UGGT2: variants seen among roughly 807,000 people sequenced by gnomAD.
UGGT2 encodes the protein UDP-glucose:glycoprotein glucosyltransferase 2.
Under a neutral mutation model 192.1 loss-of-function variants are expected in UGGT2, and 180 were observed. That is an observed-to-expected ratio of 0.94 (90% CI 0.83 to 1.06). The LOEUF (loss-of-function observed/expected upper bound fraction) is 1.06, where lower values mean the gene tolerates loss of function less well. Among genes scored for constraint, UGGT2 ranks in the 50% least tolerant of loss-of-function variants. The pLI is 0.00. For synonymous variants in UGGT2, 580 were observed against 591.0 expected (o/e 0.98, Z 0.27); for missense variants, 1,849 against 1,795.7 (o/e 1.03, Z -0.54).
In UGGT2 at chr13:95,956,522, G is replaced by A. The variant is rs140852283; in HGVS notation, c.1336-7068C>T. On this transcript the variant is annotated intron_variant, in intron 12 of 38. Transcript: ENST00000376747. ...AAGGACTTGAATAGATATTCCTCTA[G>A]AGAAGATATACAAATGGCCAACAGG... Among the ~76,000 whole-genome samples, 146 of 152,278 alleles carry A rather than the reference G, an allele frequency of 9.6e-4. 4 individuals are homozygous for A. The East Asian group carries it at 0.022, about 23-fold the overall frequency.
chr13:96,052,656 A>G (rs896634773), intron 1 of UGGT2, among the ~76,000 whole-genome samples: 1 of 152,230 alleles, frequency 6.6e-6, no homozygotes, highest in Non-Finnish European at 1.5e-5. Context: ...GCAAAATGCA[A>G]TAGCTACAAG....
At chr13:96,033,046 T>C (rs1046456822) in intron 1 of UGGT2, among the ~76,000 whole-genome samples, 1 of 152,172 alleles carries the variant, frequency 6.6e-6, no homozygotes, top group Non-Finnish European at 1.5e-5. Flanking sequence ...AGTCTGATCC[T>C]TCAAAGTGAT....
intron 38 of UGGT2, among the ~76,000 whole-genome samples, chr13:95,830,039 T>C (rs113069458): frequency 3.2e-4 from 49 of 152,118 alleles, no homozygotes; most frequent in Admixed American, 1.3e-3. Context: ...AAAGGATTCC[T>C]TATTTAATAA....
rs1352640104 is a variant in UGGT2, at chr13:96,023,879, A to C, written c.242-120T>G. The C allele has an allele frequency of 9.1e-6, 7 of 767,434 alleles. No homozygotes were observed. In the East Asian group the frequency reaches 2.3e-4, roughly 26 times the overall value. 47.5% of individuals were successfully genotyped at this position (767,434 alleles called of 1,614,324 possible). A position where few individuals can be genotyped will look rare whatever the true frequency, so the allele number is the denominator to read the frequency against. ...TCATATCTGAAGTTTGGTTATGGATAATGCTAGAGAAAAATGGAAAAATCA... is the reference window on the plus strand; with the variant it reads ...TCATATCTGAAGTTTGGTTATGGATCATGCTAGAGAAAAATGGAAAAATCA... On this transcript the variant is annotated intron_variant, in intron 2 of 38. Coordinates refer to ENST00000376747, the MANE Select transcript of UGGT2 (RefSeq NM_020121.4).
At chr13:95,807,698 G>C (rs1415869942) in intron 38 of UGGT2, among the ~76,000 whole-genome samples, 2 of 113,902 alleles carry the variant, frequency 1.8e-5, no homozygotes, top group Non-Finnish European at 3.6e-5. Context: ...TCCGTATCTT[G>C]AAACCCTCAG....
intron 38 of UGGT2, among the ~76,000 whole-genome samples, chr13:95,819,044 T>C (rs889459772): frequency 1.3e-5 from 2 of 152,100 alleles, no homozygotes; most frequent in African/African-American, 4.8e-5. Context: ...CAAAATACTA[T>C]GAGAAATAAA....
At chr13:95,909,532 C>T (rs1475962854) in intron 20 of UGGT2, among the ~76,000 whole-genome samples, 2 of 136,742 alleles carry the variant, frequency 1.5e-5, no homozygotes, top group African/African-American at 5.6e-5. Flanking sequence ...TATTCTCACT[C>T]ATAGGTGGGA....
intron 7 of UGGT2, among the ~76,000 whole-genome samples, chr13:95,993,978 T>G (rs1189766947): frequency 6.6e-6 from 1 of 152,036 alleles, no homozygotes; most frequent in Non-Finnish European, 1.5e-5. Context: ...GGGGGGGGTA[T>G]AACTTTAATT....
At chr13:95,839,231 A>G (rs1176219356) in intron 36 of UGGT2, among the ~76,000 whole-genome samples, 2 of 151,992 alleles carry the variant, frequency 1.3e-5, no homozygotes, top group African/African-American at 4.8e-5. Flanking sequence ...AATTCTGTCA[A>G]TTATATATAT....
At chr13:96,028,873 G>A (rs769671784) in intron 2 of UGGT2, among the ~76,000 whole-genome samples, 13 of 152,076 alleles carry the variant, frequency 8.5e-5, no homozygotes, top group African/African-American at 2.2e-4. Context: ...GGCCGGGCAC[G>A]GTGGCTCACA....
Position 95,832,952 on chromosome 13 carries a change from A to G in UGGT2, c.4503T>C (p.His1501=). The change falls in exon 38 of 39, where the codon CAT becomes CAC. Residue 1501 remains histidine (H), a synonymous_variant. Coordinates refer to ENST00000376747, the MANE Select transcript of UGGT2 (RefSeq NM_020121.4). ...YDAEIRQLLD[H]LENKKQDTIL... ...TTGTATCTTGCTTCTTGTTTTCAAG[A>G]TGATCTAATAGTTGTCTTATCTCAG... is the stretch of plus-strand genomic sequence containing the variant. 1 of 1,612,626 alleles carries G rather than the reference A, an allele frequency of 6.2e-7. No homozygotes were observed. The highest frequency in any genetic ancestry group is 8.5e-7 in the Non-Finnish European group (1 of 1,179,064).
rs528233022 is a variant in UGGT2, at chr13:95,868,882, T to C, written c.3474-1459A>G. Among the ~76,000 whole-genome samples the C allele has an allele frequency of 5.5e-4, 83 of 152,088 alleles. 1 individual carries two copies. The South Asian group carries it at 0.011, about 19-fold the overall frequency. ...CGAGCTCTCATTTTACTTCAGGCAC[T>C]GTTTTTTTTTTATTTATTATACTTT... On this transcript the variant is annotated intron_variant, in intron 29 of 38. Transcript: ENST00000376747.
At chr13:95,996,177 T>C (rs1478069977) in intron 6 of UGGT2, 42 bp from the exon 7 acceptor site, 1 of 1,541,780 alleles carries the variant, frequency 6.5e-7, no homozygotes, top group South Asian at 1.2e-5. Context: ...AAAAATATTT[T>C]CAGACTGGGA....
In UGGT2 at chr13:95,925,696, T is replaced by A; in HGVS notation, c.2279A>T (p.Asn760Ile). The A allele has an allele frequency of 6.4e-7, 1 of 1,562,176 alleles. No individual in the cohort carries two copies. Among genetic ancestry groups the A allele is most frequent in the East Asian group, 2.3e-5 (1 of 43,834 alleles). The change falls in exon 20 of 39, where the codon AAT (asparagine) becomes ATT (isoleucine). Residue 760 changes from asparagine (N) to isoleucine (I), a missense_variant. Asn to Ile is a moderately radical substitution (Grantham distance 149, BLOSUM62 -3). Coordinates refer to ENST00000376747, the MANE Select transcript of UGGT2 (RefSeq NM_020121.4). ...GGTACTCACCATGTGCTTTAATGCA[T>A]TAAAAAGAAGTTTTCTCCCAGAAGG... ...DKPSGRKLLFNALKHMKTSVH... is the reference protein window; with the variant it reads ...DKPSGRKLLFIALKHMKTSVH...
At chr13:95,919,095 C>T (rs1337831028) in intron 20 of UGGT2, among the ~76,000 whole-genome samples, 1 of 152,080 alleles carries the variant, frequency 6.6e-6, no homozygotes. Context: ...TGATTCATCA[C>T]ATAAACAGAA....
chr13:95,839,350 G>A (rs1479418991), intron 36 of UGGT2, among the ~76,000 whole-genome samples: 2 of 151,794 alleles, frequency 1.3e-5, no homozygotes, highest in Middle Eastern at 3.2e-3. Context: ...CTGTCTCTAC[G>A]AATTTGTTTA....
At chr13:95,979,678 A>G (rs1368392816) in intron 10 of UGGT2, among the ~76,000 whole-genome samples, 1 of 152,080 alleles carries the variant, frequency 6.6e-6, no homozygotes, top group African/African-American at 2.4e-5. Context: ...ATGTATTTAA[A>G]GACCTTAAAT....
rs985918680 is a variant in UGGT2 at position 96,026,661 on chromosome 13, T to C, written c.242-2902A>G. 3.0e-4 allele frequency among the ~76,000 whole-genome samples: 19 copies of C among 64,260 alleles called. 1 individual carries two copies. The South Asian group carries it at 5.4e-3, about 18-fold the overall frequency. The allele number at this position is 64,260 out of a possible 152,430, so 42.2% of individuals were successfully genotyped here. On this transcript the variant is annotated intron_variant, in intron 2 of 38. Transcript: ENST00000376747. The stretch of plus-strand genomic sequence containing the variant: ...TAAGCATTGCCTCTTTCACTCTTCT[T>C]TTTTTTTTTTTTTTTTTTTTTGAGA...
At chr13:96,033,759 A>C (rs1594614737) in intron 1 of UGGT2, among the ~76,000 whole-genome samples, 1 of 152,006 alleles carries the variant, frequency 6.6e-6, no homozygotes, top group Admixed American at 6.5e-5. Flanking sequence ...GCCCCCTACC[A>C]CCTCAGCCCC....
Sources: allele counts gnomAD v4.1 joint callset (sites outside exome capture counted in the v4.1 genomes callset), GRCh38; gene constraint gnomAD v4.1.1; transcripts MANE v1.5; gene names NCBI Gene and HGNC (gene_info 2026-07-23, HGNC 2026-07-21).